Variants in MARK2 observed in about 807,000 individuals in gnomAD.
The protein encoded by MARK2 is serine/threonine-protein kinase MARK2.
MARK2 carries 16 observed loss-of-function variants against 89.8 expected under a neutral mutation model. The ratio of observed to expected loss-of-function variants is 0.18; its 90% CI spans 0.12 to 0.27. MARK2 has a LOEUF of 0.27. MARK2 is among the 10% of genes least tolerant of loss of function. The pLI, the probability that MARK2 is intolerant of heterozygous loss-of-function variation, is 1.00. For synonymous variants in MARK2, 382 were observed against 399.5 expected, an observed-to-expected ratio of 0.96 and a Z score of 0.52; for missense variants, 621 against 1,049.9, an observed-to-expected ratio of 0.59 and a Z score of 5.65.
In MARK2 at chr11:63,899,936, T is replaced by C. The variant is rs771771533; in HGVS notation, c.594T>C (p.Asn198=). ...AGATTGCAGACTTTGGCTTCAGCAA[T>C]GAATTCACCTTTGGGAACAAGCTGG... is the stretch of plus-strand genomic sequence containing the variant. The part of the protein sequence containing the change: ...NIKIADFGFS[N]EFTFGNKLDT... The change falls in exon 8 of 19, where the codon AAT becomes AAC. Residue 198 remains asparagine, a synonymous_variant. Transcript: ENST00000402010. 3.1e-6 allele frequency: 5 copies of C among 1,614,216 alleles called. No individual in the cohort carries two copies. The highest frequency in any genetic ancestry group is 3.4e-6 in the Non-Finnish European group (4 of 1,180,046).
intron 1 of MARK2, among the ~76,000 whole-genome samples, chr11:63,868,088 A>T (rs1308860157): frequency 2.0e-5 from 3 of 152,132 alleles, no homozygotes; most frequent in East Asian, 1.9e-4. Context: ...TGAAACAAAA[A>T]TTTTTTTAAA....
intron 1 of MARK2, among the ~76,000 whole-genome samples, chr11:63,867,969 G>A (rs1305294452): frequency 2.6e-5 from 4 of 152,208 alleles, no homozygotes. Flanking sequence ...CTACTAGATT[G>A]TTACCTTCTT....
In MARK2 at chr11:63,902,861, A is replaced by T; in HGVS notation, c.1416+79A>T. Reference sequence around the variant, plus strand: ...CCAGGCAGCTCTTCTCTTAATTCAGACTCTGTTCCCTTTGGCTACTACTTC... The same window carrying T: ...CCAGGCAGCTCTTCTCTTAATTCAGTCTCTGTTCCCTTTGGCTACTACTTC... On this transcript the variant is annotated intron_variant, in intron 13 of 18. Transcript: ENST00000402010. The surrounding 1 kb of genome is among the most constrained non-coding windows in gnomAD (Gnocchi z 4.2). 2.3e-6 allele frequency: 3 copies of T among 1,282,548 alleles called. No individual in the cohort carries two copies. Among genetic ancestry groups the T allele is most frequent in the Non-Finnish European group, 2.2e-6 (2 of 901,376 alleles). 79.4% of individuals were successfully genotyped at this position (1,282,548 alleles called of 1,614,324 possible). A position where few individuals can be genotyped will look rare whatever the true frequency, so the allele number is the denominator to read the frequency against.
At chr11:63,890,593 C>G (rs138757709) in intron 1 of MARK2, among the ~76,000 whole-genome samples, 20 of 152,280 alleles carry the variant, frequency 1.3e-4, no homozygotes, top group African/African-American at 4.8e-4. Context: ...TTCACCAGGT[C>G]TGGAGGAGAG....
rs1294220619 is a variant in MARK2, at chr11:63,839,402, G to T, written c.-105G>T. ...CCGCACCCCCGGCCGGGGCCCATGC[G>T]GCGGGTGCTCCTGCTGTGAGAAGCC... On this transcript the variant is annotated 5_prime_UTR_variant, in exon 1 of 19. Coordinates refer to ENST00000402010, the MANE Select transcript of MARK2 (RefSeq NM_001039469.3). 13 of 656,624 alleles carry T rather than the reference G, an allele frequency of 2.0e-5. No homozygotes were observed. The East Asian group carries it at 4.3e-4, about 22-fold the overall frequency. 40.7% of individuals were successfully genotyped at this position (656,624 alleles called of 1,614,324 possible). A position where few individuals can be genotyped will look rare whatever the true frequency, so the allele number is the denominator to read the frequency against.
At position 63,902,819 on chromosome 11, in the gene MARK2, G is replaced by A. The variant is rs769826097; in HGVS notation, c.1416+37G>A. 20 of 1,539,532 alleles carry A rather than the reference G, an allele frequency of 1.3e-5. No individual in the cohort carries two copies. The highest frequency in any genetic ancestry group is 8.4e-5 in the Admixed American group (5 of 59,346). On this transcript the variant is annotated intron_variant, in intron 13 of 18. Transcript: ENST00000402010. The surrounding 1 kb of genome is among the most constrained non-coding windows in gnomAD (Gnocchi z 4.2). ...CCCCCGCTCTCTCCTTCCTTCCTGC[G>A]GTGGGGCCTGCCCTCTCCAGGCAGC...
chr11:63,847,644 C>T (rs1241793918), intron 1 of MARK2, among the ~76,000 whole-genome samples: 2 of 152,218 alleles, frequency 1.3e-5, no homozygotes, highest in African/African-American at 4.8e-5. Context: ...ACCCCCTTCT[C>T]CCCAAACACT....
At chr11:63,868,062 C>T (rs1030739163) in intron 1 of MARK2, among the ~76,000 whole-genome samples, 1 of 152,150 alleles carries the variant, frequency 6.6e-6, no homozygotes, top group Non-Finnish European at 1.5e-5. Context: ...ATGGTCACCT[C>T]TTAATGAATT....
At chr11:63,893,380 A>G (rs1940080286) in intron 1 of MARK2, among the ~76,000 whole-genome samples, 1 of 20,730 alleles carries the variant, frequency 4.8e-5, no homozygotes, top group Non-Finnish European at 8.6e-5. Context: ...GTGTTGTAGC[A>G]TATATTCTTT....
intron 1 of MARK2, among the ~76,000 whole-genome samples, chr11:63,882,366 C>G (rs917212488): frequency 3.9e-5 from 6 of 152,040 alleles, no homozygotes; most frequent in African/African-American, 1.4e-4. Flanking sequence ...GGCGGATCAC[C>G]TGAGATCAGG....
rs376971086 is a variant in MARK2 at position 63,860,530 on chromosome 11, T to TGACA, written c.54+20973_54+20976dup. Among the ~76,000 whole-genome samples, 932 of 144,290 alleles carry TGACA rather than the reference T, an allele frequency of 6.5e-3. 16 individuals carry two copies. The highest frequency in any genetic ancestry group is 0.023 in the African/African-American group (892 of 38,814). The allele number at this position is 144,290 out of a possible 152,430, so 94.7% of individuals were successfully genotyped here. On this transcript the variant is annotated intron_variant, in intron 1 of 18. Coordinates refer to ENST00000402010, the MANE Select transcript of MARK2 (RefSeq NM_001039469.3). Reference sequence around the variant, plus strand: ...TCATGCCACTGCACTGTAGCCTGGGTGACAGAGACTCCCTCTCAAAAAAAA... The same window carrying TGACA: ...TCATGCCACTGCACTGTAGCCTGGGTGACAGACAGAGACTCCCTCTCAAAAAAAA...
chr11:63,861,683 C>G (rs1390799787), intron 1 of MARK2, among the ~76,000 whole-genome samples: 1 of 151,850 alleles, frequency 6.6e-6, no homozygotes, highest in African/African-American at 2.4e-5. Flanking sequence ...ATTTATTGAG[C>G]CCTTACTCTG....
chr11:63,874,844 TG>T (rs553487232), intron 1 of MARK2, among the ~76,000 whole-genome samples: 86 of 152,040 alleles, frequency 5.7e-4, no homozygotes, highest in African/African-American at 2.1e-3. Flanking sequence ...GCAGGAATCC[TG>T]GTCCACGAAG....
At position 63,839,572 on chromosome 11, in the gene MARK2, C is replaced by T; in HGVS notation, c.54+12C>T. On this transcript the variant is annotated intron_variant, in intron 1 of 18. Transcript: ENST00000402010. ...GGGACACGGAGCAGGTAAGGAGCCC[C>T]GAGGGCTCCCCGAATTCTCTGGCTG... 1 of 1,514,464 alleles carries T rather than the reference C, an allele frequency of 6.6e-7. No homozygotes were observed. The highest frequency in any genetic ancestry group is 8.9e-7 in the Non-Finnish European group (1 of 1,122,098). 93.8% of individuals were successfully genotyped at this position (1,514,464 alleles called of 1,614,324 possible). A position where few individuals can be genotyped will look rare whatever the true frequency, so the allele number is the denominator to read the frequency against.
chr11:63,881,988 A>G (rs1374388796), intron 1 of MARK2, among the ~76,000 whole-genome samples: 1 of 152,080 alleles, frequency 6.6e-6, no homozygotes, highest in African/African-American at 2.4e-5. Flanking sequence ...GTACAGATAG[A>G]GCGCTGAGAG....
intron 1 of MARK2, among the ~76,000 whole-genome samples, chr11:63,893,449 C>T (rs992338577): frequency 2.7e-5 from 3 of 112,238 alleles, no homozygotes; most frequent in African/African-American, 1.1e-4. Flanking sequence ...TCCGTTCATC[C>T]AGCTGATGGG....
intron 1 of MARK2, among the ~76,000 whole-genome samples, chr11:63,884,084 G>A (rs537642959): frequency 2.6e-5 from 4 of 152,336 alleles, no homozygotes; most frequent in African/African-American, 7.2e-5. Flanking sequence ...CTGGAAGGCA[G>A]GAGCCAGATC....
chr11:63,898,926 G>A, intron 6 of MARK2, 93 bp downstream of exon 6: 1 of 1,298,786 alleles, frequency 7.7e-7, no homozygotes, highest in Non-Finnish European at 1.1e-6. Context: ...AGTGGCCCTT[G>A]GAGGGTACTT....
chr11:63,855,140 G>A (rs1267538511), intron 1 of MARK2, among the ~76,000 whole-genome samples: 2 of 152,064 alleles, frequency 1.3e-5, no homozygotes, highest in African/African-American at 4.8e-5. Flanking sequence ...TTTTGACATT[G>A]TGTGAAACGT....
Sources: allele counts gnomAD v4.1 joint callset (sites outside exome capture counted in the v4.1 genomes callset), GRCh38; gene constraint gnomAD v4.1.1; non-coding constraint Gnocchi (gnomAD v3.1); transcripts MANE v1.5; gene names NCBI Gene and HGNC (gene_info 2026-07-23, HGNC 2026-07-21).